EMC3: variants seen among roughly 807,000 people sequenced by gnomAD.
The protein encoded by EMC3 is 30 kDa protein.
A neutral mutation model predicts 36.6 loss-of-function variants in EMC3; 13 were observed. The observed-to-expected ratio is 0.35, with a 90% confidence interval of 0.23 to 0.56. EMC3 has a LOEUF of 0.56. Among genes scored for constraint, EMC3 ranks in the 20% least tolerant of loss-of-function variants. EMC3 has a pLI of 0.84. For synonymous variants in EMC3, 120 were observed against 111.9 expected (o/e 1.07, Z -0.46); for missense variants, 220 against 324.5 (o/e 0.68, Z 2.47).
upstream of EMC3, among the ~76,000 whole-genome samples, chr3:9,989,081 A>G (rs535743654): frequency 1.9e-3 from 281 of 151,684 alleles, 2 homozygotes; most frequent in African/African-American, 5.6e-3. Context: ...TCAGGTCCCT[A>G]TATCTGCCTA....
At chr3:10,003,300 G>A (rs1436720585) in intron 1 of EMC3, 11 of 440,058 alleles carry the variant, frequency 2.5e-5, no homozygotes, top group Non-Finnish European at 4.1e-5. Flanking sequence ...TGTGACTGCC[G>A]CAGGGCTGCC....
intron 7 of EMC3, among the ~76,000 whole-genome samples, chr3:9,966,130 G>A (rs1405453012): frequency 6.6e-6 from 1 of 152,122 alleles, no homozygotes; most frequent in Non-Finnish European, 1.5e-5. Context: ...ATCAACAATA[G>A]GGTTCCAATT....
upstream of EMC3, among the ~76,000 whole-genome samples, chr3:9,989,545 A>G (rs1359929314): frequency 1.3e-5 from 2 of 152,200 alleles, no homozygotes; most frequent in Non-Finnish European, 2.9e-5. Context: ...CTTTGGTTGG[A>G]ATCTGTTTTG....
intron 6 of EMC3, 72 bp downstream of exon 6, chr3:9,970,510 G>C (rs1222497355): frequency 1.1e-5 from 16 of 1,497,590 alleles, no homozygotes; most frequent in Non-Finnish European, 1.5e-5. Context: ...CAACCTACAA[G>C]ACTTTTCTGG....
intron 1 of EMC3, among the ~76,000 whole-genome samples, chr3:10,002,414 G>A (rs975697226): frequency 7.9e-5 from 12 of 151,902 alleles, no homozygotes; most frequent in East Asian, 3.9e-4. Context: ...TCAGCCTTCC[G>A]AGTAGATGGG....
At chr3:9,993,658 T>A (rs1575694057) in intron 1 of EMC3, among the ~76,000 whole-genome samples, 2 of 152,394 alleles carry the variant, frequency 1.3e-5, no homozygotes, top group Non-Finnish European at 2.9e-5. Context: ...CCCAGCTTAC[T>A]ACTAAATGTA....
At chr3:9,992,751 C>T in intron 1 of EMC3, 2 of 661,040 alleles carry the variant, frequency 3.0e-6, no homozygotes, top group Non-Finnish European at 2.6e-6. Flanking sequence ...TAGATACTAC[C>T]AGGGGAGTGT....
At chr3:9,998,562 T>C (rs1298557933) in intron 1 of EMC3, among the ~76,000 whole-genome samples, 2 of 151,898 alleles carry the variant, frequency 1.3e-5, no homozygotes, top group African/African-American at 4.8e-5. Context: ...CTTGAGTACC[T>C]GGGTCTACAG....
intron 1 of EMC3, chr3:10,000,687 C>A: frequency 2.1e-6 from 1 of 474,436 alleles, no homozygotes; most frequent in Non-Finnish European, 4.2e-6. Flanking sequence ...CCTGCCCTTT[C>A]TGCCTTCTTC....
chr3:9,978,083 G>A (rs918224698), intron 1 of EMC3: 1 of 141,768 alleles, frequency 7.1e-6, no homozygotes, highest in African/African-American at 2.6e-5. Flanking sequence ...GGCAAAGGCA[G>A]GTGGATCACT....
chr3:9,995,784 C>G (rs377313028), intron 1 of EMC3, among the ~76,000 whole-genome samples: 3 of 151,826 alleles, frequency 2.0e-5, no homozygotes, highest in Admixed American at 2.0e-4. Flanking sequence ...ACTACAGGCA[C>G]GTGTCACCAC....
chr3:9,971,513 G>T (rs553791808), intron 5 of EMC3, among the ~76,000 whole-genome samples: 2 of 152,312 alleles, frequency 1.3e-5, no homozygotes, highest in East Asian at 3.9e-4. Flanking sequence ...GTAAGTAAAT[G>T]GCCTGTCTGA....
intron 3 of EMC3, among the ~76,000 whole-genome samples, chr3:9,976,138 G>C (rs2124908710): frequency 6.6e-6 from 1 of 152,102 alleles, no homozygotes; most frequent in South Asian, 2.1e-4. Context: ...ATGGAGTCTT[G>C]CTCTGTCGCC....
upstream of EMC3, among the ~76,000 whole-genome samples, chr3:9,991,064 G>A (rs1275122027): frequency 3.3e-5 from 5 of 151,336 alleles, no homozygotes; most frequent in Admixed American, 6.6e-5. Flanking sequence ...TCCTGACCTC[G>A]TGATCTGCCC....
rs753430984 is a variant in EMC3 at position 9,969,800 on chromosome 3, G to A, written c.576C>T (p.Ala192=). Residue 192 remains alanine (A), a splice_region_variant and synonymous_variant, in exon 7 of 8, where the codon GCC becomes GCT. Coordinates refer to ENST00000245046, the MANE Select transcript of EMC3 (RefSeq NM_001394674.1). ...IYSLILGQDN[A]ADQSRMMQEQ... is the part of the protein sequence containing the mutation. ...CCTGCATCATTCGTGATTGGTCAGC[G>A]GCTGTAGCATAAGACACACTTACAT... 18 of 1,612,930 alleles carry A rather than the reference G, an allele frequency of 1.1e-5. No individual in the cohort carries two copies. The Admixed American group carries it at 1.7e-4, about 15-fold the overall frequency.
At chr3:9,993,718 G>A (rs1207051614) in intron 1 of EMC3, among the ~76,000 whole-genome samples, 1 of 152,180 alleles carries the variant, frequency 6.6e-6, no homozygotes, top group Admixed American at 6.5e-5. Flanking sequence ...TTATTAACTG[G>A]TTATTTACTC....
intron 1 of EMC3, chr3:9,978,378 G>C (rs892966175): frequency 6.6e-6 from 1 of 151,780 alleles, no homozygotes; most frequent in Non-Finnish European, 1.5e-5. Context: ...AATGGGTGTT[G>C]CTAAGATGCA....
intron 3 of EMC3, among the ~76,000 whole-genome samples, chr3:9,975,714 A>G (rs544153314): frequency 1.3e-5 from 2 of 149,046 alleles, no homozygotes; most frequent in Non-Finnish European, 3.0e-5. Flanking sequence ...CTGGAGGCTG[A>G]GGCAGGAGAA....
At chr3:10,003,154 T>G in intron 1 of EMC3, 1 of 456,544 alleles carries the variant, frequency 2.2e-6, no homozygotes, top group South Asian at 1.5e-5. Context: ...CCCTGTGGCC[T>G]TCTCCACCAA....
Sources: gnomAD v4.1 joint callset for allele counts (sites outside exome capture counted in the v4.1 genomes callset) on GRCh38, gnomAD v4.1.1 for gene constraint, MANE v1.5 for transcripts, NCBI Gene and HGNC (gene_info 2026-07-23, HGNC 2026-07-21) for gene names.